The following STPG2 variants were observed in gnomAD, a reference collection of about 807,000 sequenced individuals.
The protein encoded by STPG2 is sperm tail PG-rich repeat containing 2, also known as sperm-tail PG-rich repeat-containing protein 2.
STPG2 carries 56 observed loss-of-function variants against 54.2 expected under a neutral mutation model. That is an observed-to-expected ratio of 1.03 (90% CI 0.83 to 1.29). The LOEUF is 1.29. STPG2 is among the 50% of genes most tolerant of loss of function. The pLI is 0.00. For synonymous variants in STPG2, 200 were observed against 181.8 expected, an observed-to-expected ratio of 1.10 and a Z score of -0.81; for missense variants, 596 against 544.9, an observed-to-expected ratio of 1.09 and a Z score of -0.93.
chr4:97,801,784 C>CACT (rs1280736195), intron 9 of STPG2, among the ~76,000 whole-genome samples: 2 of 152,036 alleles, frequency 1.3e-5, no homozygotes, highest in Non-Finnish European at 2.9e-5. Flanking sequence ...CTCAGTTTTG[C>CACT]ACTAGTCCCT....
chr4:97,488,524 A>G (rs1425805492), intron 4 of STPG2, among the ~76,000 whole-genome samples: 1 of 151,770 alleles, frequency 6.6e-6, no homozygotes, highest in Non-Finnish European at 1.5e-5. Context: ...TAGACAAAAT[A>G]GAAATTTATG....
intron 8 of STPG2, among the ~76,000 whole-genome samples, chr4:97,909,010 T>TAGA (rs1553923999): frequency 1.5e-4 from 21 of 143,196 alleles, no homozygotes; most frequent in Admixed American, 1.2e-3. Context: ...AAACTTAAAG[T>TAGA]ATAATAATAA....
chr4:97,783,771 T>C (rs558476777), intron 9 of STPG2, among the ~76,000 whole-genome samples: 27 of 152,282 alleles, frequency 1.8e-4, no homozygotes, highest in African/African-American at 6.3e-4. Context: ...ACATCCTTTG[T>C]AGAGACGTGG....
At chr4:97,546,511 T>A (rs1185197255) in intron 4 of STPG2, among the ~76,000 whole-genome samples, 2 of 152,106 alleles carry the variant, frequency 1.3e-5, no homozygotes, top group African/African-American at 4.8e-5. Flanking sequence ...ATAGAGTATA[T>A]TCAGTAATCT....
At chr4:97,617,253 T>C (rs1244709721) in intron 10 of STPG2, among the ~76,000 whole-genome samples, 3 of 151,712 alleles carry the variant, frequency 2.0e-5, no homozygotes, top group Non-Finnish European at 2.9e-5. Context: ...CATTAATAAA[T>C]AACAAGCAGA....
chr4:97,847,537 T>G (rs1230219289), intron 8 of STPG2, among the ~76,000 whole-genome samples: 1 of 152,134 alleles, frequency 6.6e-6, no homozygotes, highest in African/African-American at 2.4e-5. Flanking sequence ...GAAAACATGA[T>G]ACTTCAAAGC....
chr4:97,932,389 C>T (rs1669740), intron 8 of STPG2, among the ~76,000 whole-genome samples: 127,439 of 152,076 alleles, frequency 0.84, 53,555 homozygotes, highest in Middle Eastern at 0.94. Flanking sequence ...AGTTCTGGGA[C>T]ACATTTGCAG....
At chr4:97,476,100 T>C (rs1560624574) in intron 4 of STPG2, among the ~76,000 whole-genome samples, 1 of 152,196 alleles carries the variant, frequency 6.6e-6, no homozygotes, top group South Asian at 2.1e-4. Context: ...TCAATGAATG[T>C]ATGAATTAAT....
At chr4:97,999,592 G>A (rs945398478) in intron 5 of STPG2, among the ~76,000 whole-genome samples, 7 of 152,056 alleles carry the variant, frequency 4.6e-5, no homozygotes, top group African/African-American at 1.2e-4. Flanking sequence ...CCAGTTACTC[G>A]GGAGGCTGAG....
intron 5 of STPG2, among the ~76,000 whole-genome samples, chr4:98,035,702 C>T (rs575112465): frequency 7.9e-5 from 12 of 152,240 alleles, no homozygotes; most frequent in East Asian, 5.8e-4. Context: ...AACCCAAATG[C>T]CCATCAATGA....
intron 4 of STPG2, among the ~76,000 whole-genome samples, chr4:97,456,608 A>T (rs1019507572): frequency 9.9e-5 from 15 of 152,116 alleles, no homozygotes; most frequent in Non-Finnish European, 1.8e-4. Flanking sequence ...AGAAAATAAA[A>T]GATGGGGCCG....
chr4:97,977,412 C>A (rs1734535150), intron 6 of STPG2, among the ~76,000 whole-genome samples: 1 of 152,160 alleles, frequency 6.6e-6, no homozygotes, highest in African/African-American at 2.4e-5. Flanking sequence ...TGACCCCATT[C>A]CTTTGGAGTC....
At chr4:97,594,874 G>A (rs190900108) in intron 10 of STPG2, among the ~76,000 whole-genome samples, 1 of 152,304 alleles carries the variant, frequency 6.6e-6, no homozygotes, top group East Asian at 1.9e-4. Flanking sequence ...GGCCTTCAGA[G>A]AAATGCAAAT....
intron 4 of STPG2, among the ~76,000 whole-genome samples, chr4:97,463,987 A>G (rs1729730599): frequency 6.6e-6 from 1 of 152,190 alleles, no homozygotes; most frequent in Non-Finnish European, 1.5e-5. Flanking sequence ...ACATAGATGT[A>G]CCAAAATTTG....
chr4:97,507,794 TC>T (rs1730884373), intron 4 of STPG2, among the ~76,000 whole-genome samples: 1 of 152,026 alleles, frequency 6.6e-6, no homozygotes, highest in African/African-American at 2.4e-5. Flanking sequence ...ATGCAGAACT[TC>T]CATGCCTTCC....
At chr4:97,733,419 T>C (rs1175197608) in intron 9 of STPG2, among the ~76,000 whole-genome samples, 1 of 151,992 alleles carries the variant, frequency 6.6e-6, no homozygotes, top group African/African-American at 2.4e-5. Context: ...AGTGATATAA[T>C]GCACTTTAGA....
intron 8 of STPG2, among the ~76,000 whole-genome samples, chr4:97,872,002 C>T (rs182094907): frequency 1.3e-5 from 2 of 151,108 alleles, no homozygotes; most frequent in African/African-American, 4.8e-5. Flanking sequence ...TGAAATTGAT[C>T]ATAATACACC....
intron 9 of STPG2, among the ~76,000 whole-genome samples, chr4:97,739,431 T>G (rs1725141284): frequency 6.6e-6 from 1 of 152,138 alleles, no homozygotes; most frequent in South Asian, 2.1e-4. Flanking sequence ...AGGAGCTGGT[T>G]TTTTGAAAGG....
At chr4:97,558,861 T>A (rs553666671), downstream of STPG2, 43 of 539,628 alleles carry the variant, frequency 8.0e-5, 1 homozygote, top group South Asian at 1.2e-3. Context: ...ACAATATGAC[T>A]TTTTAAAGAA....
Sources: gnomAD v4.1 joint callset for allele counts (sites outside exome capture counted in the v4.1 genomes callset) on GRCh38, gnomAD v4.1.1 for gene constraint, MANE v1.5 for transcripts, NCBI Gene and HGNC (gene_info 2026-07-23, HGNC 2026-07-21) for gene names.